TRAPPC10: variants seen among roughly 807,000 people sequenced by gnomAD.
The protein encoded by TRAPPC10 is TRAPP 130 kDa subunit.
TRAPPC10 carries 23 observed loss-of-function variants against 125.5 expected under a neutral mutation model. The ratio of observed to expected loss-of-function variants is 0.18; its 90% CI spans 0.13 to 0.26. The LOEUF (loss-of-function observed/expected upper bound fraction) is 0.26, where lower values mean the gene tolerates loss of function less well. TRAPPC10 is among the 10% of genes least tolerant of loss of function. The pLI is 1.00. For synonymous variants in TRAPPC10, 509 were observed against 518.0 expected (o/e 0.98, Z 0.24); for missense variants, 1,123 against 1,308.4 (o/e 0.86, Z 2.19).
In TRAPPC10 at chr21:44,082,723, C is replaced by A; in HGVS notation, c.1724-65C>A. 6.4e-7 allele frequency: 1 copy of A among 1,571,826 alleles called. No individual in the cohort carries two copies. Among genetic ancestry groups the A allele is most frequent in the Non-Finnish European group, 8.7e-7 (1 of 1,152,524 alleles). On this transcript the variant is annotated intron_variant, in intron 13 of 22. Transcript: ENST00000291574. This position sits in a 1 kb window ranked among gnomAD's most constrained non-coding sequence, Gnocchi z 4.4. Reference sequence around the variant, plus strand: ...CTCGGTGATCTTACTGTGTCCGCGGCCTGCTGCTGCTTACTGTCAGGAAGT... The same window carrying A: ...CTCGGTGATCTTACTGTGTCCGCGGACTGCTGCTGCTTACTGTCAGGAAGT...
Position 44,012,367 on chromosome 21 carries a change from C to A in TRAPPC10, c.-127C>A. Reference sequence around the variant, plus strand: ...CAGCGGGCGGCAGCTGCGGCGCAACCGGCTCCGGAGCTGCCTGGCGCGGCC... The same window carrying A: ...CAGCGGGCGGCAGCTGCGGCGCAACAGGCTCCGGAGCTGCCTGGCGCGGCC... On this transcript the variant is annotated 5_prime_UTR_variant, in exon 1 of 23. Coordinates refer to ENST00000291574, the MANE Select transcript of TRAPPC10 (RefSeq NM_003274.5). 2.6e-6 allele frequency: 1 copy of A among 383,562 alleles called. No individual in the cohort carries two copies. The highest frequency in any genetic ancestry group is 3.6e-6 in the Non-Finnish European group (1 of 279,986). 23.8% of individuals were successfully genotyped at this position (383,562 alleles called of 1,614,324 possible). A position where few individuals can be genotyped will look rare whatever the true frequency, so the allele number is the denominator to read the frequency against.
At chr21:44,064,862 A>T (rs954430063) in intron 7 of TRAPPC10, among the ~76,000 whole-genome samples, 8 of 152,188 alleles carry the variant, frequency 5.3e-5, no homozygotes, top group Admixed American at 5.2e-4. Flanking sequence ...ATTTTTATCA[A>T]ATGATTTTTC....
chr21:44,061,119 T>G (rs1569181560), intron 6 of TRAPPC10, among the ~76,000 whole-genome samples: 1 of 151,752 alleles, frequency 6.6e-6, no homozygotes, highest in Non-Finnish European at 1.5e-5. Context: ...TTTATTTATT[T>G]TAATTTTAAT....
At chr21:44,048,726 T>A (rs2035027996) in intron 3 of TRAPPC10, among the ~76,000 whole-genome samples, 1 of 151,228 alleles carries the variant, frequency 6.6e-6, no homozygotes, top group Non-Finnish European at 1.5e-5. Flanking sequence ...ACTCCTGACC[T>A]CAAGTGATCT....
chr21:44,046,269 G>A (rs575340106), intron 3 of TRAPPC10: 1 of 222,292 alleles, frequency 4.5e-6, no homozygotes, highest in Non-Finnish European at 1.0e-5. Flanking sequence ...TCACAGAGAT[G>A]CAGTCCACTG....
At chr21:44,033,069 G>A (rs2033716567) in intron 2 of TRAPPC10, among the ~76,000 whole-genome samples, 1 of 152,208 alleles carries the variant, frequency 6.6e-6, no homozygotes. Flanking sequence ...CCTCTTCTTG[G>A]AAAACTTATT....
chr21:44,090,580 G>A (rs2038504780), intron 18 of TRAPPC10, among the ~76,000 whole-genome samples: 1 of 152,190 alleles, frequency 6.6e-6, no homozygotes, highest in African/African-American at 2.4e-5. Flanking sequence ...CTAAAGGCTT[G>A]AGTAGACTCC....
intron 1 of TRAPPC10, among the ~76,000 whole-genome samples, chr21:44,022,903 C>T (rs2032679280): frequency 6.6e-6 from 1 of 151,618 alleles, no homozygotes; most frequent in African/African-American, 2.4e-5. Flanking sequence ...ATGGGTGTTG[C>T]TGTTCTTCCA....
intron 1 of TRAPPC10, among the ~76,000 whole-genome samples, chr21:44,020,611 G>C (rs1198092248): frequency 1.3e-5 from 2 of 152,086 alleles, no homozygotes; most frequent in East Asian, 1.9e-4. Context: ...TCCAGTCTGG[G>C]CGACAGAGTG....
chr21:44,024,109 A>G (rs954196594), intron 1 of TRAPPC10, among the ~76,000 whole-genome samples: 4 of 152,152 alleles, frequency 2.6e-5, no homozygotes, highest in African/African-American at 9.7e-5. Flanking sequence ...TGTTTTTTGT[A>G]TTTTTAAGAT....
At chr21:44,036,618 A>G (rs1003709194) in intron 2 of TRAPPC10, among the ~76,000 whole-genome samples, 1 of 152,220 alleles carries the variant, frequency 6.6e-6, no homozygotes, top group African/African-American at 2.4e-5. Flanking sequence ...ATTTTCAGAC[A>G]TCTATAAGAA....
At chr21:44,040,459 C>T (rs2034332150) in intron 3 of TRAPPC10, among the ~76,000 whole-genome samples, 1 of 152,022 alleles carries the variant, frequency 6.6e-6, no homozygotes, top group African/African-American at 2.4e-5. Flanking sequence ...TGTCCTACCT[C>T]AGCCTCTTGA....
chr21:44,025,010 A>G (rs2032913176), intron 1 of TRAPPC10, among the ~76,000 whole-genome samples: 1 of 152,200 alleles, frequency 6.6e-6, no homozygotes, highest in African/African-American at 2.4e-5. Context: ...GATCATTCTC[A>G]TTCCATGATG....
intron 3 of TRAPPC10, among the ~76,000 whole-genome samples, chr21:44,050,985 A>G (rs1244285226): frequency 6.6e-6 from 1 of 151,970 alleles, no homozygotes; most frequent in Non-Finnish European, 1.5e-5. Flanking sequence ...ACTCACTACA[A>G]CCTCCGCCTC....
intron 3 of TRAPPC10, chr21:44,047,077 A>G (rs1182913400): frequency 2.9e-6 from 2 of 684,090 alleles, no homozygotes; most frequent in Non-Finnish European, 2.8e-6. Context: ...AGCAAGGCAG[A>G]GAAAGGGCTA....
At position 44,087,971 on chromosome 21, in the gene TRAPPC10, C is replaced by T. The variant is rs780102960; in HGVS notation, c.2769+43C>T. 3.6e-5 allele frequency: 55 copies of T among 1,528,338 alleles called. No individual in the cohort carries two copies. The highest frequency in any genetic ancestry group is 4.8e-5 in the Non-Finnish European group (54 of 1,122,832). 94.7% of individuals were successfully genotyped at this position (1,528,338 alleles called of 1,614,324 possible). A position where few individuals can be genotyped will look rare whatever the true frequency, so the allele number is the denominator to read the frequency against. Reference sequence around the variant, plus strand: ...AGGAGCTTAGCTTGTGGGGCGTCCGCCGCCCGCCTGCCTGCTGGGAAAGGC... The same window carrying T: ...AGGAGCTTAGCTTGTGGGGCGTCCGTCGCCCGCCTGCCTGCTGGGAAAGGC... On this transcript the variant is annotated intron_variant, in intron 17 of 22. Transcript: ENST00000291574. The surrounding 1 kb of genome is among the most constrained non-coding windows in gnomAD (Gnocchi z 4.6).
intron 1 of TRAPPC10, among the ~76,000 whole-genome samples, chr21:44,029,285 G>A (rs2033363929): frequency 6.6e-6 from 1 of 152,020 alleles, no homozygotes; most frequent in South Asian, 2.1e-4. Context: ...TAGTAGAGAC[G>A]GGGTTTCACC....
chr21:44,014,768 C>T (rs1476189009), intron 1 of TRAPPC10, among the ~76,000 whole-genome samples: 1 of 152,024 alleles, frequency 6.6e-6, no homozygotes, highest in African/African-American at 2.4e-5. Flanking sequence ...ATGGATGGTA[C>T]ACTGTCCTAG....
intron 9 of TRAPPC10, 126 bp from the exon 10 acceptor site, chr21:44,076,426 T>C (rs998920457): frequency 3.0e-6 from 2 of 677,248 alleles, no homozygotes; most frequent in African/African-American, 3.6e-5. Flanking sequence ...CCGTTGGCAT[T>C]GGCCGGTTTG....
Sources: gnomAD v4.1 joint callset for allele counts (sites outside exome capture counted in the v4.1 genomes callset) on GRCh38, gnomAD v4.1.1 for gene constraint, Gnocchi (gnomAD v3.1) non-coding constraint, MANE v1.5 for transcripts, NCBI Gene and HGNC (gene_info 2026-07-23, HGNC 2026-07-21) for gene names.